Variants in NRG4 observed in about 807,000 individuals in gnomAD.
The protein encoded by NRG4 is pro-neuregulin-4, membrane-bound isoform.
NRG4 carries 10 observed loss-of-function variants against 15.0 expected under a neutral mutation model. The ratio of observed to expected loss-of-function variants is 0.67; its 90% CI spans 0.41 to 1.13. The LOEUF (loss-of-function observed/expected upper bound fraction) is 1.13. NRG4 is among the 50% of genes most tolerant of loss of function. The pLI, the probability that NRG4 is intolerant of heterozygous loss-of-function variation, is 0.00. For missense variants in NRG4, 139 were observed against 140.2 expected (o/e 0.99, Z 0.04); for synonymous variants, 41 against 50.1 (o/e 0.82, Z 0.77).
chr15:76,024,302 C>A (rs1039484340), intron 5 of NRG4, among the ~76,000 whole-genome samples: 1 of 152,202 alleles, frequency 6.6e-6, no homozygotes, highest in Non-Finnish European at 1.5e-5. Context: ...GGCTGTGTAC[C>A]CAAGTCCTGG....
intron 3 of NRG4, among the ~76,000 whole-genome samples, chr15:75,998,451 A>T (rs1359269454): frequency 6.6e-6 from 1 of 152,218 alleles, no homozygotes; most frequent in African/African-American, 2.4e-5. Context: ...CATTCAACAC[A>T]GGACAGAAAG....
In NRG4 at chr15:76,009,238, A is replaced by T. The variant is rs2034717937; in HGVS notation, c.66T>A (p.Leu22=). The T allele has an allele frequency of 6.2e-7, 1 of 1,604,918 alleles. No individual in the cohort carries two copies. The highest frequency in any genetic ancestry group is 8.5e-7 in the Non-Finnish European group (1 of 1,172,482). The change falls in exon 3 of 6, where the codon CTT becomes CTA. Residue 22 remains leucine, a synonymous_variant. Coordinates refer to ENST00000394907, the MANE Select transcript of NRG4 (RefSeq NM_138573.4). The part of the protein sequence containing the change: ...SHKSFCLNGG[L]CYVIPTIPSP... Reference sequence around the variant, plus strand: ...TGGGAATAGTAGGTATCACATAACAAAGCCCCCCATTCAGGCAAAACGACT... The same window carrying T: ...TGGGAATAGTAGGTATCACATAACATAGCCCCCCATTCAGGCAAAACGACT...
At chr15:76,050,633 G>A (rs1209562064) in intron 4 of NRG4, among the ~76,000 whole-genome samples, 22 of 139,980 alleles carry the variant, frequency 1.6e-4, no homozygotes, top group Admixed American at 3.5e-4. Flanking sequence ...TTTAGTAGAG[G>A]CGGGGTTTCA....
chr15:76,050,634 C>T lies in NRG4; in HGVS notation c.-105+1433G>A, dbSNP rs1250187478. On this transcript the variant is annotated intron_variant, in intron 4 of 8. Transcript: ENST00000563910. ...TTTTTTTTTTGTATTTTAGTAGAGGCGGGGTTTCACCATGTTGGCCAGGCT... is the reference window on the plus strand; with the variant it reads ...TTTTTTTTTTGTATTTTAGTAGAGGTGGGGTTTCACCATGTTGGCCAGGCT... 1.0e-3 allele frequency among the ~76,000 whole-genome samples: 126 copies of T among 124,302 alleles called. 3 individuals carry two copies. The highest frequency in any genetic ancestry group is 4.5e-3 in the Middle Eastern group (1 of 224). The allele number at this position is 124,302 out of a possible 152,430, so 81.5% of individuals were successfully genotyped here. A position where few individuals can be genotyped will look rare whatever the true frequency, so the allele number is the denominator to read the frequency against.
chr15:76,012,441 G>A (rs892343651), upstream of NRG4: 5 of 152,230 alleles, frequency 3.3e-5, no homozygotes, highest in African/African-American at 1.2e-4. Flanking sequence ...TATGGCTGCA[G>A]TGTGCAGTGT....
rs1311847984 is a variant in NRG4, at chr15:75,941,136, A to T, written c.*2502T>A. On this transcript the variant is annotated 3_prime_UTR_variant, in exon 6 of 6. Transcript: ENST00000394907. ...AAAAAATGGCAAAGGATTTGGATAG[A>T]TCTCCAGAGAGGACATGCAGATAGC... is the stretch of plus-strand genomic sequence containing the variant. 6.6e-6 allele frequency: 1 copy of T among 152,316 alleles called. No homozygotes were observed. Among genetic ancestry groups the T allele is most frequent in the East Asian group, 1.9e-4 (1 of 5,190 alleles). 9.4% of individuals were successfully genotyped at this position (152,316 alleles called of 1,614,324 possible). A position where few individuals can be genotyped will look rare whatever the true frequency, so the allele number is the denominator to read the frequency against.
At chr15:75,997,014 GA>G (rs2034239585) in intron 3 of NRG4, among the ~76,000 whole-genome samples, 1 of 151,830 alleles carries the variant, frequency 6.6e-6, no homozygotes, top group African/African-American at 2.4e-5. Context: ...TTTTTTTCAT[GA>G]TCTTCTCCCC....
At chr15:75,971,352 G>A (rs2033082890) in intron 3 of NRG4, 1 of 309,548 alleles carries the variant, frequency 3.2e-6, no homozygotes, top group Non-Finnish European at 6.4e-6. Context: ...CAGAGACTCT[G>A]GTTATACTTA....
intron 3 of NRG4, chr15:75,969,061 C>A: frequency 2.7e-6 from 1 of 371,030 alleles, no homozygotes; most frequent in South Asian, 2.1e-5. Flanking sequence ...AAGACTTACA[C>A]TCTTAAATCA....
In NRG4 at chr15:75,943,008, C is replaced by T. The variant is rs335720; in HGVS notation, c.*630G>A. 0.99 allele frequency: 150,570 copies of T among 152,332 alleles called. 74,436 individuals are homozygous for T. Among genetic ancestry groups the T allele is most frequent in the East Asian group, 1 (5,186 of 5,186 alleles). The allele number at this position is 152,332 out of a possible 1,614,324, so 9.4% of individuals were successfully genotyped here. On this transcript the variant is annotated 3_prime_UTR_variant, in exon 6 of 6. Transcript: ENST00000394907. ...AATAACAATCCTAAATTTCCAGTTACTTGCACCTAGAATTAGTCAATCTTT... is the reference window on the plus strand; with the variant it reads ...AATAACAATCCTAAATTTCCAGTTATTTGCACCTAGAATTAGTCAATCTTT...
intron 4 of NRG4, among the ~76,000 whole-genome samples, chr15:76,049,398 G>A (rs1450871637): frequency 2.0e-5 from 3 of 150,538 alleles, no homozygotes; most frequent in African/African-American, 7.5e-5. Context: ...ATATGCACAA[G>A]CCTCTTTTTC....
At chr15:75,959,966 C>G (rs1360273485) in intron 4 of NRG4, among the ~76,000 whole-genome samples, 1 of 152,122 alleles carries the variant, frequency 6.6e-6, no homozygotes, top group Non-Finnish European at 1.5e-5. Flanking sequence ...CAGTTTGAGT[C>G]CTTAAGTGAC....
chr15:75,958,174 G>A (rs1324113906), intron 4 of NRG4, among the ~76,000 whole-genome samples: 2 of 151,920 alleles, frequency 1.3e-5, no homozygotes, highest in South Asian at 2.1e-4. Flanking sequence ...CACCATGCCC[G>A]GCTAATTTTT....
chr15:75,976,627 A>T (rs2033377425), intron 3 of NRG4, among the ~76,000 whole-genome samples: 1 of 152,184 alleles, frequency 6.6e-6, no homozygotes, highest in Non-Finnish European at 1.5e-5. Flanking sequence ...GGTCCACTCC[A>T]GACCCCGTTT....
chr15:76,021,606 A>G (rs1402331283), intron 5 of NRG4, among the ~76,000 whole-genome samples: 1 of 152,188 alleles, frequency 6.6e-6, no homozygotes, highest in Non-Finnish European at 1.5e-5. Context: ...CAAAATCAGT[A>G]TCTTTTATTA....
intron 4 of NRG4, among the ~76,000 whole-genome samples, chr15:76,040,428 G>A (rs961546899): frequency 2.0e-5 from 3 of 152,102 alleles, no homozygotes; most frequent in Non-Finnish European, 4.4e-5. Flanking sequence ...ATGCTAAAGG[G>A]AGTACTTCTA....
chr15:76,012,946 T>G (rs1292765561), upstream of NRG4, among the ~76,000 whole-genome samples: 1 of 152,210 alleles, frequency 6.6e-6, no homozygotes, highest in Non-Finnish European at 1.5e-5. Context: ...GCCTGAATGC[T>G]ATGGCAAAGT....
chr15:75,960,560 G>T (rs1264188949), intron 4 of NRG4, among the ~76,000 whole-genome samples: 2 of 152,158 alleles, frequency 1.3e-5, no homozygotes, highest in Non-Finnish European at 2.9e-5. Context: ...AGCAGTTAAG[G>T]CTGGCTGTTG....
At chr15:75,948,373 C>T (rs1464974766) in intron 5 of NRG4, among the ~76,000 whole-genome samples, 1 of 151,776 alleles carries the variant, frequency 6.6e-6, no homozygotes, top group Non-Finnish European at 1.5e-5. Flanking sequence ...GATCTCGGCT[C>T]ACTTCATCCT....
Sources: gnomAD v4.1 joint callset for allele counts (sites outside exome capture counted in the v4.1 genomes callset) on GRCh38, gnomAD v4.1.1 for gene constraint, MANE v1.5 for transcripts, NCBI Gene and HGNC (gene_info 2026-07-23, HGNC 2026-07-21) for gene names.